IGSF21: variants seen among roughly 807,000 people sequenced by gnomAD.
IGSF21 encodes the protein immunoglobin superfamily member 21.
Under a neutral mutation model 46.8 loss-of-function variants are expected in IGSF21, and 28 were observed. The observed-to-expected ratio is 0.60, with a 90% CI of 0.44 to 0.82. The LOEUF (loss-of-function observed/expected upper bound fraction) is 0.82, where lower values mean the gene tolerates loss of function less well. IGSF21 is among the 40% of genes least tolerant of loss of function. The probability of loss-of-function intolerance (pLI) is 0.00; values close to 1 mark genes in which losing one functional copy is unlikely to be tolerated. For synonymous variants in IGSF21, 284 were observed against 273.6 expected, an observed-to-expected ratio of 1.04 and a Z score of -0.38; for missense variants, 624 against 665.5, an observed-to-expected ratio of 0.94 and a Z score of 0.69.
chr1:18,256,862 ACCAGGT>A lies in IGSF21; in HGVS notation c.183+28855_183+28860del, dbSNP rs1470351859. ...ATCTTTTAGTACCAGGGACATGGAGACCAGGTCCCCTTTCCTAAAACCCTGGCCCAG... is the reference window on the plus strand; with the variant it reads ...ATCTTTTAGTACCAGGGACATGGAGACCCCTTTCCTAAAACCCTGGCCCAG... On this transcript the variant is annotated intron_variant, in intron 2 of 9. Coordinates refer to ENST00000251296, the MANE Select transcript of IGSF21 (RefSeq NM_032880.5). Among the ~76,000 whole-genome samples, 7 of 152,280 alleles carry A rather than the reference ACCAGGT, an allele frequency of 4.6e-5. No homozygotes were observed. The East Asian group carries it at 1.2e-3, about 25-fold the overall frequency.
chr1:18,122,242 C>T (rs2086241777), intron 1 of IGSF21, among the ~76,000 whole-genome samples: 1 of 133,100 alleles, frequency 7.5e-6, no homozygotes, highest in Admixed American at 8.9e-5. Context: ...TTCTGTTGCC[C>T]AGGCTGGAAT....
intron 5 of IGSF21, among the ~76,000 whole-genome samples, chr1:18,362,454 C>T (rs1289459809): frequency 6.6e-6 from 1 of 152,246 alleles, no homozygotes; most frequent in African/African-American, 2.4e-5. Context: ...ACCCCCACTT[C>T]TCCTGGAGAC....
Position 18,365,384 on chromosome 1 carries a change from C to T in IGSF21, c.702C>T (p.Ala234=), listed in dbSNP as rs781057210. The T allele has an allele frequency of 1.4e-5, 23 of 1,613,900 alleles. No individual in the cohort carries two copies. The highest frequency in any genetic ancestry group is 2.7e-5 in the African/African-American group (2 of 74,872). ...KMQKSLSLLD[A]ENRGGRPYTE... is the part of the protein sequence containing the mutation. Reference sequence around the variant, plus strand: ...AGAAGTCACTGTCCCTCCTGGACGCCGAGAACCGGGGTGGGCGACCCTACA... The same window carrying T: ...AGAAGTCACTGTCCCTCCTGGACGCTGAGAACCGGGGTGGGCGACCCTACA... The change falls in exon 6 of 10, where the codon GCC becomes GCT. Residue 234 remains alanine, a synonymous_variant. Coordinates refer to ENST00000251296, the MANE Select transcript of IGSF21 (RefSeq NM_032880.5). The surrounding 1 kb of genome is among the most constrained non-coding windows in gnomAD (Gnocchi z 4.8).
At chr1:18,212,647 A>G (rs1379824381) in intron 1 of IGSF21, among the ~76,000 whole-genome samples, 2 of 152,052 alleles carry the variant, frequency 1.3e-5, no homozygotes, top group African/African-American at 4.8e-5. Flanking sequence ...TGGTTTCCCT[A>G]TTGCTGACTG....
rs145082416 is a variant in IGSF21 at position 18,211,506 on chromosome 1, C to T, written c.71-16392C>T. Reference sequence around the variant, plus strand: ...CAAAGCAAGGTAATCCAGTTTAATGCGAGTTGCCTTTTTGGGAGAGAAAAA... The same window carrying T: ...CAAAGCAAGGTAATCCAGTTTAATGTGAGTTGCCTTTTTGGGAGAGAAAAA... On this transcript the variant is annotated intron_variant, in intron 1 of 9. Coordinates refer to ENST00000251296, the MANE Select transcript of IGSF21 (RefSeq NM_032880.5). Among the ~76,000 whole-genome samples the T allele has an allele frequency of 3.5e-3, 537 of 152,262 alleles. 5 individuals carry two copies. Among genetic ancestry groups the T allele is most frequent in the East Asian group, 0.027 (141 of 5,182 alleles).
chr1:18,370,683 A>T (rs758416199), intron 6 of IGSF21, among the ~76,000 whole-genome samples: 20 of 152,224 alleles, frequency 1.3e-4, no homozygotes, highest in Non-Finnish European at 2.6e-4. Flanking sequence ...CTATAGAATG[A>T]GAGAAAATAC....
chr1:18,314,621 CA>C (rs2124587826), intron 3 of IGSF21, among the ~76,000 whole-genome samples: 1 of 152,252 alleles, frequency 6.6e-6, no homozygotes, highest in Admixed American at 6.5e-5. Context: ...TCAGGGAAGG[CA>C]AGTGACTTGC....
chr1:18,343,482 A>G (rs2085863130), intron 4 of IGSF21, among the ~76,000 whole-genome samples: 1 of 152,108 alleles, frequency 6.6e-6, no homozygotes, highest in Non-Finnish European at 1.5e-5. Context: ...TTCTTTTGTC[A>G]CTTGTGCTTT....
At chr1:18,162,637 T>G (rs143393247) in intron 1 of IGSF21, among the ~76,000 whole-genome samples, 1,607 of 152,348 alleles carry the variant, frequency 0.011, 3 homozygotes, top group Non-Finnish European at 0.017. Flanking sequence ...TTAGGTGTAC[T>G]AAATACATTT....
At chr1:18,267,237 A>G (rs1171731140) in intron 2 of IGSF21, among the ~76,000 whole-genome samples, 1 of 152,172 alleles carries the variant, frequency 6.6e-6, no homozygotes, top group Non-Finnish European at 1.5e-5. Flanking sequence ...ATTTGGGGAG[A>G]TACGGGAAGA....
intron 3 of IGSF21, among the ~76,000 whole-genome samples, chr1:18,295,682 C>A (rs1034707045): frequency 6.6e-6 from 1 of 152,200 alleles, no homozygotes; most frequent in Non-Finnish European, 1.5e-5. Context: ...CCCACTTCCT[C>A]TTACCCCTCG....
At chr1:18,366,667 C>T (rs563043378) in intron 6 of IGSF21, among the ~76,000 whole-genome samples, 16 of 152,228 alleles carry the variant, frequency 1.1e-4, no homozygotes, top group South Asian at 8.3e-4. Context: ...GATATCACTC[C>T]GGCTTACACT....
intron 2 of IGSF21, among the ~76,000 whole-genome samples, chr1:18,249,783 G>A (rs1044559111): frequency 6.6e-6 from 1 of 152,190 alleles, no homozygotes; most frequent in Non-Finnish European, 1.5e-5. Context: ...CTGGCCCACA[G>A]TTGTGGATGG....
chr1:18,141,843 C>A (rs985853014), intron 1 of IGSF21, among the ~76,000 whole-genome samples: 2 of 152,078 alleles, frequency 1.3e-5, no homozygotes, highest in Non-Finnish European at 2.9e-5. Flanking sequence ...CCAAGGCGAG[C>A]CGATTGCTTG....
chr1:18,136,510 T>C (rs1332196573), intron 1 of IGSF21, among the ~76,000 whole-genome samples: 1 of 152,234 alleles, frequency 6.6e-6, no homozygotes, highest in African/African-American at 2.4e-5. Flanking sequence ...ATTTATTAAA[T>C]AGGGAATCCT....
At chr1:18,108,529 T>TG (rs2086112776) in intron 1 of IGSF21, among the ~76,000 whole-genome samples, 1 of 151,530 alleles carries the variant, frequency 6.6e-6, no homozygotes, top group Admixed American at 6.6e-5. Flanking sequence ...TGTGATGGTG[T>TG]GGGGTCTGCG....
chr1:18,256,850 A>C (rs2084897276), intron 2 of IGSF21, among the ~76,000 whole-genome samples: 1 of 152,196 alleles, frequency 6.6e-6, no homozygotes. Flanking sequence ...TTTTAGTACC[A>C]GGGACATGGA....
At chr1:18,172,556 G>T (rs1255570261) in intron 1 of IGSF21, among the ~76,000 whole-genome samples, 3 of 152,116 alleles carry the variant, frequency 2.0e-5, no homozygotes, top group Non-Finnish European at 4.4e-5. Flanking sequence ...GACTTCACAT[G>T]GCCTTTCCTT....
intron 3 of IGSF21, among the ~76,000 whole-genome samples, chr1:18,320,559 G>A (rs2078344): frequency 0.3 from 45,763 of 152,094 alleles, 7,565 homozygotes; most frequent in Non-Finnish European, 0.37. Flanking sequence ...AAGGCCTCCT[G>A]TGGGGGCCCC....
Sources: gnomAD v4.1 joint callset for allele counts (sites outside exome capture counted in the v4.1 genomes callset) on GRCh38, gnomAD v4.1.1 for gene constraint, Gnocchi (gnomAD v3.1) non-coding constraint, MANE v1.5 for transcripts, NCBI Gene and HGNC (gene_info 2026-07-23, HGNC 2026-07-21) for gene names.